Variants in SOX5 observed in about 807,000 individuals in gnomAD.
SOX5 encodes transcription factor SOX-5.
Under a neutral mutation model 92.0 loss-of-function variants are expected in SOX5, and 9 were observed. The observed-to-expected ratio is 0.10, with a 90% CI of 0.06 to 0.17. The LOEUF (loss-of-function observed/expected upper bound fraction) is 0.17, where lower values mean the gene tolerates loss of function less well. SOX5 is among the 10% of genes least tolerant of loss of function. The probability of loss-of-function intolerance (pLI) is 1.00; values close to 1 mark genes in which losing one functional copy is unlikely to be tolerated. For missense variants in SOX5, 642 were observed against 944.5 expected (o/e 0.68, Z 4.20); for synonymous variants, 344 against 336.3 (o/e 1.02, Z -0.25).
At chr12:23,814,087 G>A (rs1027693289) in intron 3 of SOX5, among the ~76,000 whole-genome samples, 5 of 151,832 alleles carry the variant, frequency 3.3e-5, no homozygotes, top group African/African-American at 4.8e-5. Context: ...GATGTATTTT[G>A]GCATTCAAAA....
chr12:24,232,663 T>C (rs550503724), intron 3 of SOX5, among the ~76,000 whole-genome samples: 1 of 152,288 alleles, frequency 6.6e-6, no homozygotes, highest in Non-Finnish European at 1.5e-5. Context: ...ATAATTCTAT[T>C]GGTTAGATAT....
At chr12:23,892,070 A>G (rs1042499829) in intron 2 of SOX5, among the ~76,000 whole-genome samples, 2 of 152,190 alleles carry the variant, frequency 1.3e-5, no homozygotes, top group African/African-American at 4.8e-5. Context: ...ATATATGACT[A>G]TGCCTTCAAA....
intron 1 of SOX5, among the ~76,000 whole-genome samples, chr12:24,522,036 A>T (rs887149364): frequency 2.0e-5 from 3 of 151,966 alleles, no homozygotes; most frequent in Non-Finnish European, 4.4e-5. Flanking sequence ...GTAAAACCTT[A>T]GATACACCAA....
intron 4 of SOX5, among the ~76,000 whole-genome samples, chr12:24,025,053 G>C (rs1745072140): frequency 1.3e-5 from 2 of 152,046 alleles, no homozygotes; most frequent in South Asian, 2.1e-4. Context: ...GCAATGACTT[G>C]AGAAAAAACT....
intron 7 of SOX5, among the ~76,000 whole-genome samples, chr12:23,641,164 G>T (rs2080007901): frequency 6.6e-6 from 1 of 151,994 alleles, no homozygotes; most frequent in Admixed American, 6.6e-5. Flanking sequence ...AGTGAGCATT[G>T]ATCAGAGGGC....
intron 6 of SOX5, among the ~76,000 whole-genome samples, chr12:23,688,052 C>T (rs1593291784): frequency 6.6e-6 from 1 of 152,004 alleles, no homozygotes; most frequent in East Asian, 1.9e-4. Context: ...CCTTTGGGTC[C>T]CAAACACAAA....
chr12:23,854,087 A>C (rs1490140882), intron 2 of SOX5, among the ~76,000 whole-genome samples: 1 of 152,134 alleles, frequency 6.6e-6, no homozygotes, highest in East Asian at 1.9e-4. Context: ...GGAAGAAATA[A>C]GATATAAGGA....
At chr12:23,703,643 C>T (rs1475934930) in intron 6 of SOX5, among the ~76,000 whole-genome samples, 2 of 151,666 alleles carry the variant, frequency 1.3e-5, no homozygotes, top group Non-Finnish European at 2.9e-5. Context: ...CATATTTGGA[C>T]AGAATAAATT....
rs536468289 is a variant in SOX5 at position 24,047,554 on chromosome 12, TGACTTAC to T, written c.-1-151537_-1-151531del. 7.0e-3 allele frequency among the ~76,000 whole-genome samples: 1,059 copies of T among 152,360 alleles called. 9 individuals are homozygous for T. Among genetic ancestry groups the T allele is most frequent in the Non-Finnish European group, 0.011 (749 of 68,040 alleles). ...ATATCTTAAAGACTGTAGGCGTTTA[TGACTTAC>T]GACATCTCCTTTATGAAGCCCTACG... On this transcript the variant is annotated intron_variant, in intron 4 of 4. Transcript: ENST00000446891.
intron 7 of SOX5, among the ~76,000 whole-genome samples, chr12:23,664,314 T>G (rs1400296588): frequency 2.4e-5 from 3 of 125,464 alleles, no homozygotes; most frequent in Admixed American, 7.7e-5. Flanking sequence ...AATGGCACAA[T>G]TCATTAACAT....
At chr12:24,481,222 G>A (rs890122256) in intron 1 of SOX5, among the ~76,000 whole-genome samples, 2 of 152,114 alleles carry the variant, frequency 1.3e-5, no homozygotes, top group Non-Finnish European at 2.9e-5. Flanking sequence ...TTGACCTCAT[G>A]GAGATAAAGA....
At position 24,429,625 on chromosome 12, in the gene SOX5, TAC is replaced by T. The variant is rs148679940; in HGVS notation, c.-250-60988_-250-60987del. On this transcript the variant is annotated intron_variant, in intron 1 of 4. Transcript: ENST00000446891. ...GGAAACACACATACACACACACACA[TAC>T]ACACACACACACACACACACACACC... is the stretch of plus-strand genomic sequence containing the variant. Among the ~76,000 whole-genome samples, 889 of 140,016 alleles carry T rather than the reference TAC, an allele frequency of 6.3e-3. 5 individuals are homozygous for T. Among genetic ancestry groups the T allele is most frequent in the Middle Eastern group, 0.022 (6 of 272 alleles). The allele number at this position is 140,016 out of a possible 152,430, so 91.9% of individuals were successfully genotyped here.
chr12:24,318,722 C>A (rs1949937492), intron 2 of SOX5, among the ~76,000 whole-genome samples: 1 of 152,090 alleles, frequency 6.6e-6, no homozygotes, highest in Admixed American at 6.5e-5. Flanking sequence ...ATTTGATAGT[C>A]CCTAGTACAT....
chr12:23,819,432 A>T (rs558812775), intron 3 of SOX5, among the ~76,000 whole-genome samples: 14 of 151,992 alleles, frequency 9.2e-5, no homozygotes, highest in Admixed American at 3.3e-4. Context: ...CTGCAAATTT[A>T]TTTTTTTTAT....
chr12:23,930,419 T>A (rs188352862), intron 1 of SOX5, among the ~76,000 whole-genome samples: 3 of 151,700 alleles, frequency 2.0e-5, no homozygotes, highest in Admixed American at 6.6e-5. Flanking sequence ...AAAAGAAAGC[T>A]CTGTATATAT....
intron 6 of SOX5, among the ~76,000 whole-genome samples, chr12:23,727,706 C>G (rs1245777579): frequency 6.6e-6 from 1 of 152,070 alleles, no homozygotes; most frequent in East Asian, 1.9e-4. Flanking sequence ...TTTCCAGGAT[C>G]ATGGTATTTA....
chr12:24,317,012 A>G (rs1949754386), intron 2 of SOX5, among the ~76,000 whole-genome samples: 4 of 152,168 alleles, frequency 2.6e-5, no homozygotes, highest in Admixed American at 2.6e-4. Flanking sequence ...CCAGGGAGCA[A>G]CTAAACTGTT....
At chr12:24,420,645 T>C (rs927805989) in intron 1 of SOX5, among the ~76,000 whole-genome samples, 3 of 152,166 alleles carry the variant, frequency 2.0e-5, no homozygotes, top group African/African-American at 7.2e-5. Context: ...GGTAACCAAA[T>C]AGTAGACTGA....
intron 3 of SOX5, among the ~76,000 whole-genome samples, chr12:24,231,743 T>TA: frequency 6.6e-6 from 1 of 152,332 alleles, no homozygotes. Context: ...TCCTTCCACC[T>TA]AAAAACTAAC....
Sources: gnomAD v4.1 joint callset for allele counts (sites outside exome capture counted in the v4.1 genomes callset) on GRCh38, gnomAD v4.1.1 for gene constraint, MANE v1.5 for transcripts, NCBI Gene and HGNC (gene_info 2026-07-23, HGNC 2026-07-21) for gene names.